Variants in VCL observed in about 807,000 individuals in gnomAD.
The protein encoded by VCL is vinculin.
Under a neutral mutation model 125.7 loss-of-function variants are expected in VCL, and 47 were observed. That is an observed-to-expected ratio of 0.37 (90% CI 0.30 to 0.48). The LOEUF is 0.48. Among genes scored for constraint, VCL ranks in the 20% least tolerant of loss-of-function variants. The probability of loss-of-function intolerance (pLI) is 0.99; values close to 1 mark genes in which losing one functional copy is unlikely to be tolerated. For synonymous variants in VCL, 458 were observed against 514.6 expected (o/e 0.89, Z 1.49); for missense variants, 1,069 against 1,455.5 (o/e 0.73, Z 4.32).
chr10:74,022,256 A>C (rs1448379100), intron 1 of VCL, among the ~76,000 whole-genome samples: 1 of 152,154 alleles, frequency 6.6e-6, no homozygotes, highest in Non-Finnish European at 1.5e-5. Context: ...TTCAAAATTA[A>C]AACTTCAGGC....
intron 2 of VCL, among the ~76,000 whole-genome samples, chr10:74,066,995 T>C (rs1298952132): frequency 2.0e-5 from 3 of 152,210 alleles, no homozygotes; most frequent in African/African-American, 4.8e-5. Context: ...TTTAGGTAGA[T>C]GGTGTTTGTT....
At chr10:74,087,513 ATTTT>A (rs1167937127) in intron 8 of VCL, among the ~76,000 whole-genome samples, 21,064 of 122,712 alleles carry the variant, frequency 0.17, 1,277 homozygotes, top group East Asian at 0.21. Context: ...CGCCTGGCTA[ATTTT>A]TTTTTTTTTT....
At chr10:74,050,000 C>T (rs12256764) in intron 2 of VCL, among the ~76,000 whole-genome samples, 4,908 of 152,148 alleles carry the variant, frequency 0.032, 274 homozygotes, top group African/African-American at 0.11. Flanking sequence ...CTTATTTCTG[C>T]AATGGAGCAG....
intron 2 of VCL, among the ~76,000 whole-genome samples, chr10:74,049,948 C>T (rs1299237856): frequency 6.6e-6 from 1 of 152,030 alleles, no homozygotes; most frequent in Admixed American, 6.6e-5. Context: ...ATTTTATTTG[C>T]CTTGGAAAAA....
intron 6 of VCL, among the ~76,000 whole-genome samples, chr10:74,078,076 G>A (rs984069899): frequency 6.6e-6 from 1 of 151,316 alleles, no homozygotes; most frequent in African/African-American, 2.4e-5. Context: ...TAATTTTTTT[G>A]GTATTTATAT....
At chr10:74,081,652 CT>C in intron 6 of VCL, among the ~76,000 whole-genome samples, 1 of 152,268 alleles carries the variant, frequency 6.6e-6, no homozygotes, top group South Asian at 2.1e-4. Flanking sequence ...TACGGAAATA[CT>C]TAAATACATT....
intron 1 of VCL, among the ~76,000 whole-genome samples, chr10:74,029,949 T>A (rs1268698679): frequency 6.6e-6 from 1 of 152,228 alleles, no homozygotes; most frequent in Non-Finnish European, 1.5e-5. Context: ...TTGCTTCCAG[T>A]TATTTTTTCA....
At chr10:74,101,229 T>G in intron 14 of VCL, 132 bp downstream of exon 14, 1 of 1,312,858 alleles carries the variant, frequency 7.6e-7, no homozygotes, top group Non-Finnish European at 1.1e-6. Flanking sequence ...GTAGCACCTA[T>G]AATTCCGGCA....
chr10:74,054,317 G>A (rs1473389033), intron 2 of VCL, among the ~76,000 whole-genome samples: 1 of 152,128 alleles, frequency 6.6e-6, no homozygotes, highest in African/African-American at 2.4e-5. Flanking sequence ...AATATTGTTA[G>A]GTGGTTACAA....
At chr10:74,100,733 G>A (rs1457931415) in intron 13 of VCL, among the ~76,000 whole-genome samples, 1 of 152,174 alleles carries the variant, frequency 6.6e-6, no homozygotes, top group East Asian at 1.9e-4. Context: ...GAGTGTGTTT[G>A]TGTGCATTTG....
In VCL at chr10:74,095,650, G is replaced by A. The variant is rs1554818318; in HGVS notation, c.1544-6G>A. On this transcript the variant is annotated splice_region_variant and splice_polypyrimidine_tract_variant and intron_variant, in intron 11 of 21. Transcript: ENST00000211998. ...TGTAAGTTTCATTGTTTTTCTCTTG[G>A]TCCAGGTCAGGCTGCCATCCGGGGG... 1.9e-6 allele frequency: 3 copies of A among 1,613,546 alleles called. No homozygotes were observed. Among genetic ancestry groups the A allele is most frequent in the East Asian group, 2.2e-5 (1 of 44,872 alleles).
At chr10:74,060,343 C>A (rs1438493577) in intron 2 of VCL, among the ~76,000 whole-genome samples, 1 of 151,504 alleles carries the variant, frequency 6.6e-6, no homozygotes, top group Non-Finnish European at 1.5e-5. Context: ...TGGATATAGT[C>A]TAAAAGAACC....
intron 1 of VCL, among the ~76,000 whole-genome samples, chr10:74,023,738 G>A (rs1439779859): frequency 1.3e-5 from 2 of 152,172 alleles, no homozygotes; most frequent in East Asian, 1.9e-4. Flanking sequence ...TCTTGTTTTA[G>A]ACCAAAGGCT....
intron 1 of VCL, among the ~76,000 whole-genome samples, chr10:74,006,149 G>A (rs949788409): frequency 1.3e-5 from 2 of 152,152 alleles, no homozygotes; most frequent in African/African-American, 4.8e-5. Context: ...GCCTCCCAAA[G>A]TGCTGGGATT....
In VCL at chr10:74,097,380, A is replaced by G. The variant is rs199801367; in HGVS notation, c.1872+48A>G. 1.9e-6 allele frequency: 3 copies of G among 1,600,686 alleles called. No individual in the cohort carries two copies. Among genetic ancestry groups the G allele is most frequent in the African/African-American group, 1.3e-5 (1 of 74,842 alleles). ...TTTTCTGTCAGCCTGTGCTATAGGT[A>G]TATGTAAAGGTGAAATGTGATTACA... On this transcript the variant is annotated intron_variant, in intron 13 of 21. Transcript: ENST00000211998. The surrounding 1 kb of genome is among the most constrained non-coding windows in gnomAD (Gnocchi z 4.1).
chr10:74,085,288 T>C (rs1839751859), intron 8 of VCL, among the ~76,000 whole-genome samples: 1 of 152,196 alleles, frequency 6.6e-6, no homozygotes. Context: ...TTACTAGCCA[T>C]AGGCTTATGA....
chr10:74,017,518 G>A (rs1432707662), intron 1 of VCL, among the ~76,000 whole-genome samples: 1 of 151,412 alleles, frequency 6.6e-6, no homozygotes, highest in East Asian at 1.9e-4. Context: ...TGTCTCTGAA[G>A]GGTGTAAGCT....
At chr10:74,096,828 G>A (rs940011730) in intron 12 of VCL, among the ~76,000 whole-genome samples, 5 of 152,190 alleles carry the variant, frequency 3.3e-5, no homozygotes, top group East Asian at 1.9e-4. Context: ...TACTGTGATC[G>A]TTATCAGGCC....
chr10:74,110,920 CAT>C (rs1418128736), intron 18 of VCL, among the ~76,000 whole-genome samples: 2 of 152,168 alleles, frequency 1.3e-5, no homozygotes, highest in African/African-American at 4.8e-5. Flanking sequence ...TTCTCTCCAT[CAT>C]GATTCTCATT....
Sources: allele counts gnomAD v4.1 joint callset (sites outside exome capture counted in the v4.1 genomes callset), GRCh38; gene constraint gnomAD v4.1.1; non-coding constraint Gnocchi (gnomAD v3.1); transcripts MANE v1.5; gene names NCBI Gene and HGNC (gene_info 2026-07-23, HGNC 2026-07-21).